Variants in ARHGAP24 observed in about 807,000 individuals in gnomAD.
ARHGAP24 encodes rho GTPase-activating protein 24.
In ARHGAP24, 50 loss-of-function variants were observed where a neutral mutation model predicts 76.4. That is an observed-to-expected ratio of 0.65 (90% CI 0.52 to 0.83). ARHGAP24 has a LOEUF of 0.83. Ranked by LOEUF, ARHGAP24 falls within the 40% of genes least tolerant of loss-of-function variation. ARHGAP24 has a pLI of 0.00. For missense variants in ARHGAP24, 930 were observed against 914.2 expected (o/e 1.02, Z -0.22); for synonymous variants, 345 against 323.3 (o/e 1.07, Z -0.72).
intron 3 of ARHGAP24, among the ~76,000 whole-genome samples, chr4:85,724,794 A>T (rs1237004115): frequency 1.3e-5 from 2 of 152,256 alleles, no homozygotes; most frequent in East Asian, 3.9e-4. Context: ...TATCTCTCTG[A>T]ATAATGCCAT....
At chr4:85,905,274 AT>A (rs1411079599) in intron 3 of ARHGAP24, among the ~76,000 whole-genome samples, 1 of 152,056 alleles carries the variant, frequency 6.6e-6, no homozygotes, top group Admixed American at 6.6e-5. Flanking sequence ...ACTAACCAGC[AT>A]TTTTTTAAGT....
intron 3 of ARHGAP24, among the ~76,000 whole-genome samples, chr4:85,746,360 A>G (rs866898140): frequency 6.6e-6 from 1 of 152,052 alleles, no homozygotes; most frequent in East Asian, 1.9e-4. Flanking sequence ...TTCATTTTCT[A>G]TTTTTCTACA....
At chr4:85,972,001 C>T in intron 5 of ARHGAP24, 35 bp from the exon 6 acceptor site, 1 of 1,613,786 alleles carries the variant, frequency 6.2e-7, no homozygotes, top group Non-Finnish European at 8.5e-7. Flanking sequence ...ATGAAGTTTA[C>T]TCCAAAGAAT....
chr4:85,525,955 C>T lies in ARHGAP24; in HGVS notation c.-20-44567C>T, dbSNP rs575633216. Among the ~76,000 whole-genome samples the T allele has an allele frequency of 3.9e-5, 6 of 152,192 alleles. No homozygotes were observed. In the South Asian group the frequency reaches 6.2e-4, roughly 16 times the overall value. ...ATTAGATACCTTTAGAGGCTTTTTA[C>T]ACCCCCAAGGGCCTGTTCTCAGAGC... On this transcript the variant is annotated intron_variant, in intron 1 of 9. Coordinates refer to ENST00000395184, the MANE Select transcript of ARHGAP24 (RefSeq NM_001025616.3).
intron 1 of ARHGAP24, among the ~76,000 whole-genome samples, chr4:85,515,450 T>C (rs1357361190): frequency 6.6e-6 from 1 of 151,280 alleles, no homozygotes; most frequent in Non-Finnish European, 1.5e-5. Context: ...ATCATTGTTT[T>C]TGAGAAGGAG....
chr4:85,847,803 T>C (rs1389448409), intron 3 of ARHGAP24, among the ~76,000 whole-genome samples: 1 of 152,140 alleles, frequency 6.6e-6, no homozygotes, highest in East Asian at 1.9e-4. Context: ...GATTAGGAAG[T>C]GGTGGTATTT....
At chr4:85,584,557 A>C (rs546566434) in intron 2 of ARHGAP24, among the ~76,000 whole-genome samples, 1 of 152,164 alleles carries the variant, frequency 6.6e-6, no homozygotes, top group African/African-American at 2.4e-5. Flanking sequence ...TAACCTGCAC[A>C]TTGTGCACAT....
At chr4:85,727,506 T>C (rs1725213464) in intron 3 of ARHGAP24, among the ~76,000 whole-genome samples, 1 of 152,158 alleles carries the variant, frequency 6.6e-6, no homozygotes, top group Non-Finnish European at 1.5e-5. Flanking sequence ...AACAGACATT[T>C]TCCAGCAGTG....
intron 2 of ARHGAP24, among the ~76,000 whole-genome samples, chr4:85,665,634 A>T (rs1306162035): frequency 2.0e-5 from 3 of 152,058 alleles, no homozygotes; most frequent in Admixed American, 2.0e-4. Context: ...ATTTGGCTTG[A>T]TTTTGCAGCG....
intron 4 of ARHGAP24, among the ~76,000 whole-genome samples, chr4:85,931,810 A>C (rs1416559493): frequency 2.0e-5 from 3 of 152,232 alleles, no homozygotes; most frequent in African/African-American, 7.2e-5. Context: ...TAAAATAAGA[A>C]TAATTAAATG....
chr4:85,756,501 C>CA (rs1315141880), intron 3 of ARHGAP24, among the ~76,000 whole-genome samples: 1 of 152,024 alleles, frequency 6.6e-6, no homozygotes. Context: ...TCTTCATTTC[C>CA]AAAAAGTATA....
intron 1 of ARHGAP24, among the ~76,000 whole-genome samples, chr4:85,490,178 G>A (rs1723298364): frequency 6.6e-6 from 1 of 152,122 alleles, no homozygotes; most frequent in Non-Finnish European, 1.5e-5. Flanking sequence ...TAAAATTACT[G>A]GTGATATTTT....
intron 3 of ARHGAP24, among the ~76,000 whole-genome samples, chr4:85,754,803 G>T (rs1470579819): frequency 6.6e-6 from 1 of 152,202 alleles, no homozygotes; most frequent in Non-Finnish European, 1.5e-5. Flanking sequence ...CAGAAGAACT[G>T]AATTTAGTCC....
chr4:85,958,180 G>T (rs1056703705), intron 5 of ARHGAP24, among the ~76,000 whole-genome samples: 1 of 152,096 alleles, frequency 6.6e-6, no homozygotes, highest in Non-Finnish European at 1.5e-5. Context: ...ACCGAAACTC[G>T]TTACCTAACT....
At chr4:85,711,149 G>T (rs1363928147) in intron 2 of ARHGAP24, among the ~76,000 whole-genome samples, 2 of 152,090 alleles carry the variant, frequency 1.3e-5, no homozygotes, top group Non-Finnish European at 2.9e-5. Context: ...TGCAGGAGCA[G>T]AAAACCAAAT....
intron 2 of ARHGAP24, among the ~76,000 whole-genome samples, chr4:85,634,985 G>C (rs1721270180): frequency 6.6e-6 from 1 of 151,824 alleles, no homozygotes; most frequent in Admixed American, 6.6e-5. Flanking sequence ...TTCAGATCAG[G>C]TGGAGAACCC....
intron 2 of ARHGAP24, among the ~76,000 whole-genome samples, chr4:85,693,948 T>G (rs559134990): frequency 6.6e-6 from 1 of 152,276 alleles, no homozygotes; most frequent in African/African-American, 2.4e-5. Context: ...TGGGGTGCCC[T>G]GTGGCTAGAA....
intron 2 of ARHGAP24, among the ~76,000 whole-genome samples, chr4:85,622,203 T>C (rs1466196696): frequency 1.3e-5 from 2 of 151,690 alleles, no homozygotes; most frequent in African/African-American, 2.4e-5. Context: ...CCCACTAACT[T>C]GTCATTTAGC....
chr4:85,894,488 A>G (rs948729954), intron 3 of ARHGAP24, among the ~76,000 whole-genome samples: 10 of 152,202 alleles, frequency 6.6e-5, no homozygotes, highest in African/African-American at 2.4e-4. Flanking sequence ...TTGTTCTTTG[A>G]AGGCACAAGA....
Sources: allele counts gnomAD v4.1 joint callset (sites outside exome capture counted in the v4.1 genomes callset), GRCh38; gene constraint gnomAD v4.1.1; transcripts MANE v1.5; gene names NCBI Gene and HGNC (gene_info 2026-07-23, HGNC 2026-07-21).